The following KCNC4 variants were observed in gnomAD, a reference collection of about 807,000 sequenced individuals.
KCNC4 encodes voltage-gated potassium channel KCNC4.
In KCNC4, 23 loss-of-function variants were observed where a neutral mutation model predicts 42.8. The ratio of observed to expected loss-of-function variants is 0.54; its 90% CI spans 0.39 to 0.76. The LOEUF is 0.76. KCNC4 is among the 30% of genes least tolerant of loss of function. KCNC4 has a pLI of 0.00. For synonymous variants in KCNC4, 422 were observed against 393.5 expected (o/e 1.07, Z -0.86); for missense variants, 751 against 898.2 (o/e 0.84, Z 2.10).
At chr1:110,236,633 G>A (rs920731550), downstream of KCNC4, 3 of 152,158 alleles carry the variant, frequency 2.0e-5, no homozygotes, top group East Asian at 5.8e-4. Context: ...TTAGCAGCAG[G>A]CAACACCCAG....
chr1:110,258,627 C>T (rs1659376056), intron 1 of KCNC4, among the ~76,000 whole-genome samples: 1 of 152,202 alleles, frequency 6.6e-6, no homozygotes, highest in Non-Finnish European at 1.5e-5. Flanking sequence ...ACCCATCCAT[C>T]CTCCTTCAAA....
chr1:110,261,388 T>C (rs1659423806), intron 1 of KCNC4, among the ~76,000 whole-genome samples: 1 of 152,198 alleles, frequency 6.6e-6, no homozygotes, highest in South Asian at 2.1e-4. Flanking sequence ...AAATTTTAAA[T>C]GAATATTAGG....
At chr1:110,243,001 T>G (rs2101057321) in exon 4 of KCNC4, 1 of 152,340 alleles carries the variant, frequency 6.6e-6, no homozygotes, top group African/African-American at 2.4e-5. Flanking sequence ...GGCAAATGAC[T>G]TAACCTTTCT....
At chr1:110,225,859 C>G (rs1430600785) in intron 2 of KCNC4, 116 bp from the exon 3 acceptor site, 1 of 982,040 alleles carries the variant, frequency 1.0e-6, no homozygotes, top group East Asian at 2.4e-5. Flanking sequence ...CAGGTAGATG[C>G]TAGGCCCCTC....
At chr1:110,213,210 G>A (rs116147230) in intron 1 of KCNC4, among the ~76,000 whole-genome samples, 2,432 of 139,974 alleles carry the variant, frequency 0.017, 83 homozygotes, top group African/African-American at 0.061. Flanking sequence ...CCTGAAGGAT[G>A]GCTTTAGATT....
At chr1:110,225,008 C>T (rs1390524077) in intron 2 of KCNC4, 1 of 152,264 alleles carries the variant, frequency 6.6e-6, no homozygotes, top group Non-Finnish European at 1.5e-5. Flanking sequence ...TTCCGAAGGC[C>T]TTGATAGAAG....
chr1:110,271,808 T>C (rs1659641391), intron 1 of KCNC4, among the ~76,000 whole-genome samples: 1 of 152,148 alleles, frequency 6.6e-6, no homozygotes, highest in South Asian at 2.1e-4. Context: ...CATCGCATGC[T>C]TTGGGAATCT....
At chr1:110,226,414 G>A in intron 3 of KCNC4, 1 of 564,846 alleles carries the variant, frequency 1.8e-6, no homozygotes, top group Non-Finnish European at 3.2e-6. Context: ...GGAAAGAGCA[G>A]CGCTAGAGGG....
intron 1 of KCNC4, chr1:110,220,852 G>A (rs1658058991): frequency 6.6e-6 from 1 of 152,238 alleles, no homozygotes; most frequent in Admixed American, 6.5e-5. Context: ...GAGGAAGAAT[G>A]AGGCTAGAAA....
At chr1:110,258,386 C>T (rs369573331) in intron 1 of KCNC4, among the ~76,000 whole-genome samples, 1 of 152,098 alleles carries the variant, frequency 6.6e-6, no homozygotes, top group Admixed American at 6.6e-5. Flanking sequence ...TACAGGCACA[C>T]GCCACCATGC....
At chr1:110,244,190 C>T (rs1213148955) in exon 4 of KCNC4, 1 of 152,154 alleles carries the variant, frequency 6.6e-6, no homozygotes, top group African/African-American at 2.4e-5. Flanking sequence ...TAATGGAATA[C>T]TATTTCCCTT....
chr1:110,231,510 G>A (rs1420255115), intron 3 of KCNC4, among the ~76,000 whole-genome samples: 1 of 152,104 alleles, frequency 6.6e-6, no homozygotes, highest in African/African-American at 2.4e-5. Context: ...GCCTTGCTGT[G>A]ACTCCTTCTG....
chr1:110,228,396 G>T (rs1323229872), intron 3 of KCNC4: 1 of 152,340 alleles, frequency 6.6e-6, no homozygotes, highest in Non-Finnish European at 1.5e-5. Context: ...AGGAGCCCAG[G>T]AGACCTGAGG....
intron 3 of KCNC4, 78 bp downstream of exon 3, chr1:110,226,256 T>TC: frequency 1.1e-5 from 14 of 1,237,444 alleles, no homozygotes; most frequent in Middle Eastern, 1.9e-4. Flanking sequence ...GAGCCTGAGG[T>TC]CCCCCCCTCC....
chr1:110,214,022 A>G (rs1657647557), intron 1 of KCNC4, among the ~76,000 whole-genome samples: 2 of 152,152 alleles, frequency 1.3e-5, no homozygotes, highest in Non-Finnish European at 2.9e-5. Context: ...GTGGCACCCC[A>G]CATATCATTG....
rs1658370577 is a variant in KCNC4, at chr1:110,226,055, C to G, written c.1696C>G (p.Pro566Ala). ...CCTCACCCAACCCCTGGCCTCCTCC[C>G]CGACCCCCGAGGAGCGCCGGGCCCT... Reference protein sequence around the residue: ...AGLTQPLASSPTPEERRALRR... With the variant: ...AGLTQPLASSATPEERRALRR... The change falls in exon 3 of 4, where the codon CCG becomes GCG. Residue 566 changes from proline to alanine, a missense_variant. Coordinates refer to ENST00000438661, the MANE Select transcript of KCNC4 (RefSeq NM_001039574.3). 2 of 1,613,998 alleles carry G rather than the reference C, an allele frequency of 1.2e-6. No individual in the cohort carries two copies. The highest frequency in any genetic ancestry group is 1.7e-4 in the Middle Eastern group (1 of 6,060).
chr1:110,230,265 G>A (rs1208883730), intron 3 of KCNC4, among the ~76,000 whole-genome samples: 1 of 152,216 alleles, frequency 6.6e-6, no homozygotes, highest in African/African-American at 2.4e-5. Flanking sequence ...GTGAGAAGAG[G>A]GGATGTGGGG....
intron 1 of KCNC4, chr1:110,222,308 C>T (rs745672096): frequency 4.6e-5 from 7 of 152,430 alleles, no homozygotes; most frequent in Non-Finnish European, 1.0e-4. Flanking sequence ...CAACCTGCCT[C>T]GGAGCATTCC....
exon 4 of KCNC4, chr1:110,244,200 T>C (rs1659093032): frequency 6.6e-6 from 1 of 152,128 alleles, no homozygotes; most frequent in Non-Finnish European, 1.5e-5. Flanking sequence ...CTATTTCCCT[T>C]ATTAGAACAA....
Sources: allele counts gnomAD v4.1 joint callset (sites outside exome capture counted in the v4.1 genomes callset), GRCh38; gene constraint gnomAD v4.1.1; transcripts MANE v1.5; gene names NCBI Gene and HGNC (gene_info 2026-07-23, HGNC 2026-07-21).